B4GALT4: variants seen among roughly 807,000 people sequenced by gnomAD.
The protein encoded by B4GALT4 is beta-1,4-galactosyltransferase 4.
Under a neutral mutation model 37.3 loss-of-function variants are expected in B4GALT4, and 27 were observed. The observed-to-expected ratio is 0.72, with a 90% CI of 0.53 to 1.00. B4GALT4 has a LOEUF of 1.00. Among genes scored for constraint, B4GALT4 ranks in the 50% least tolerant of loss-of-function variants. The pLI, the probability that B4GALT4 is intolerant of heterozygous loss-of-function variation, is 0.00. For missense variants in B4GALT4, 372 were observed against 413.1 expected (o/e 0.90, Z 0.86); for synonymous variants, 148 against 154.1 (o/e 0.96, Z 0.29).
chr3:119,231,868 T>C (rs1021316229), intron 2 of B4GALT4, among the ~76,000 whole-genome samples: 1 of 148,042 alleles, frequency 6.8e-6, no homozygotes, highest in Non-Finnish European at 1.5e-5. Flanking sequence ...TTTATATAAA[T>C]GTATATATTT....
At chr3:119,218,532 C>A (rs2078356160) in intron 6 of B4GALT4, 118 bp downstream of exon 6, 2 of 1,453,650 alleles carry the variant, frequency 1.4e-6, no homozygotes, top group African/African-American at 2.8e-5. Context: ...CCTTCAAGCC[C>A]AAATCTGCAG....
intron 1 of B4GALT4, among the ~76,000 whole-genome samples, chr3:119,237,970 T>C (rs912293135): frequency 5.3e-5 from 8 of 152,010 alleles, no homozygotes; most frequent in African/African-American, 1.7e-4. Context: ...GATATAACAA[T>C]GTATATGAAA....
intron 6 of B4GALT4, among the ~76,000 whole-genome samples, chr3:119,218,404 G>A (rs1308958815): frequency 1.3e-5 from 2 of 152,070 alleles, no homozygotes; most frequent in Non-Finnish European, 2.9e-5. Flanking sequence ...AGTCTTTCCC[G>A]ACAAGTACAT....
chr3:119,212,651 G>C lies in B4GALT4; in HGVS notation c.933C>G (p.Val311=). 2.5e-6 allele frequency: 4 copies of C among 1,611,132 alleles called. No homozygotes were observed. The highest frequency in any genetic ancestry group is 3.4e-6 in the Non-Finnish European group (4 of 1,179,106). The change falls in exon 8 of 8, where the codon GTC becomes GTG. Residue 311 remains valine, a synonymous_variant. Coordinates refer to ENST00000393765, the MANE Select transcript of B4GALT4 (RefSeq NM_003778.4). The part of the protein sequence containing the change: ...RMKLLHQVSR[V]WRTDGLSSCS... The stretch of plus-strand genomic sequence containing the variant: ...AACTACTCAACCCATCTGTTCTCCA[G>C]ACTCGTGACACTTGGTGTAAGAGCT...
intron 2 of B4GALT4, among the ~76,000 whole-genome samples, chr3:119,234,101 A>T (rs544711234): frequency 3.2e-4 from 49 of 151,950 alleles, no homozygotes; most frequent in Middle Eastern, 3.4e-3. Flanking sequence ...TATCTGGTAC[A>T]TTTCCAGGAC....
rs778148279 is a variant in B4GALT4, at chr3:119,229,924, T to G, written c.176A>C (p.Lys59Thr). 1 of 1,614,198 alleles carries G rather than the reference T, an allele frequency of 6.2e-7. No homozygotes were observed. Among genetic ancestry groups the G allele is most frequent in the Non-Finnish European group, 8.5e-7 (1 of 1,180,026 alleles). ...ANFHKTLILG[K>T]GKTLTNEAST... ...TGCTTCATTAGTCAGAGTTTTTCCC[T>G]TCCCCAAAATGAGGGTCTTATGGAA... The change falls in exon 3 of 8, where the codon AAG becomes ACG. Residue 59 changes from lysine to threonine, a missense_variant. By Grantham distance (78) the Lys-to-Thr change is moderately conservative (BLOSUM62 -1). Transcript: ENST00000393765.
rs746921838 is a variant in B4GALT4 at position 119,218,772 on chromosome 3, C to A, written c.675G>T (p.Arg225Ser). The change falls in exon 6 of 8, where the codon AGG (arginine) becomes AGT (serine). Residue 225 changes from arginine (R) to serine (S), a missense_variant and splice_region_variant. Coordinates refer to ENST00000393765, the MANE Select transcript of B4GALT4 (RefSeq NM_003778.4). The stretch of plus-strand genomic sequence containing the variant: ...CCCCAAAATATCCACTGTAACGTAA[C>A]CTGGAGCAAAAGAGATGAGAGAAAT... ...LVVGRNSTGY[R>S]LRYSGYFGGV... is the part of the protein sequence containing the mutation. The A allele has an allele frequency of 6.2e-7, 1 of 1,613,982 alleles. No homozygotes were observed. The highest frequency in any genetic ancestry group is 2.2e-5 in the East Asian group (1 of 44,870).
chr3:119,211,941 G>T lies in B4GALT4; in HGVS notation c.*608C>A. The T allele has an allele frequency of 1.8e-6, 1 of 552,096 alleles. No individual in the cohort carries two copies. 34.2% of individuals were successfully genotyped at this position (552,096 alleles called of 1,614,324 possible). A position where few individuals can be genotyped will look rare whatever the true frequency, so the allele number is the denominator to read the frequency against. ...GCAGGTCCTCCCCTGAAGGCTATCA[G>T]CAGCTGCAACCAGCTCAGCTACTGC... On this transcript the variant is annotated 3_prime_UTR_variant, in exon 8 of 8. Transcript: ENST00000393765.
Position 119,212,470 on chromosome 3 carries a change from GCTA to G in B4GALT4, c.*76_*78del, listed in dbSNP as rs2078184413. 2.9e-6 allele frequency: 4 copies of G among 1,394,366 alleles called. No homozygotes were observed. The highest frequency in any genetic ancestry group is 3.9e-6 in the Non-Finnish European group (4 of 1,023,898). The allele number at this position is 1,394,366 out of a possible 1,614,324, so 86.4% of individuals were successfully genotyped here. The stretch of plus-strand genomic sequence containing the variant: ...GAGCTGTAACAGGTTCTTAATGTGT[GCTA>G]CTATTTGAAGTCTCTAGGCCAAAAT... On this transcript the variant is annotated 3_prime_UTR_variant, in exon 8 of 8. Coordinates refer to ENST00000393765, the MANE Select transcript of B4GALT4 (RefSeq NM_003778.4).
Position 119,212,102 on chromosome 3 carries a change from A to G in B4GALT4, c.*447T>C. On this transcript the variant is annotated 3_prime_UTR_variant, in exon 8 of 8. Coordinates refer to ENST00000393765, the MANE Select transcript of B4GALT4 (RefSeq NM_003778.4). Reference sequence around the variant, plus strand: ...ACCACCACTTCACAGATGATTGTACAGGATAAATGAATAACAGTATTGTAT... The same window carrying G: ...ACCACCACTTCACAGATGATTGTACGGGATAAATGAATAACAGTATTGTAT... 1 of 702,304 alleles carries G rather than the reference A, an allele frequency of 1.4e-6. No individual in the cohort carries two copies. Among genetic ancestry groups the G allele is most frequent in the Non-Finnish European group, 2.6e-6 (1 of 384,662 alleles). 43.5% of individuals were successfully genotyped at this position (702,304 alleles called of 1,614,324 possible). A position where few individuals can be genotyped will look rare whatever the true frequency, so the allele number is the denominator to read the frequency against.
intron 7 of B4GALT4, chr3:119,212,924 C>A (rs1473693953): frequency 4.6e-6 from 2 of 430,312 alleles, no homozygotes; most frequent in Non-Finnish European, 8.3e-6. Flanking sequence ...ACTCAGTGAG[C>A]CCCCAGTCTA....
chr3:119,215,737 TAAAG>T (rs927240645), intron 7 of B4GALT4: 2 of 152,110 alleles, frequency 1.3e-5, no homozygotes, highest in Non-Finnish European at 2.9e-5. Flanking sequence ...AAGGAACACA[TAAAG>T]AAAGGGAGAG....
At chr3:119,226,663 C>A (rs2078627921) in intron 4 of B4GALT4, 146 bp downstream of exon 4, 2 of 706,190 alleles carry the variant, frequency 2.8e-6, no homozygotes, top group African/African-American at 1.8e-5. Flanking sequence ...TTCCTCTACT[C>A]CTTTCAAGGA....
At chr3:119,213,613 A>G (rs1057273579) in intron 7 of B4GALT4, 2 of 152,226 alleles carry the variant, frequency 1.3e-5, no homozygotes, top group Non-Finnish European at 2.9e-5. Flanking sequence ...ACAAAAATTC[A>G]GAGAAGTGTT....
rs1011771434 is a variant in B4GALT4 at position 119,218,910 on chromosome 3, C to A, written c.675-138G>T. On this transcript the variant is annotated intron_variant, in intron 5 of 7. Transcript: ENST00000393765. The stretch of plus-strand genomic sequence containing the variant: ...CCTGCTTCTCCTGCTTGACACCCAC[C>A]TCCCAATGCTCCTGGCCTTCCCTGT... 1.6e-5 allele frequency: 15 copies of A among 964,378 alleles called. No individual in the cohort carries two copies. The African/African-American group carries it at 2.1e-4, about 14-fold the overall frequency. 59.7% of individuals were successfully genotyped at this position (964,378 alleles called of 1,614,324 possible). A position where few individuals can be genotyped will look rare whatever the true frequency, so the allele number is the denominator to read the frequency against.
At chr3:119,238,597 A>T (rs1227455142) in intron 1 of B4GALT4, among the ~76,000 whole-genome samples, 1 of 152,194 alleles carries the variant, frequency 6.6e-6, no homozygotes, top group Non-Finnish European at 1.5e-5. Context: ...TTATCACAGC[A>T]TATTGTAACT....
intron 7 of B4GALT4, chr3:119,215,262 A>C (rs1324413288): frequency 6.6e-6 from 1 of 152,226 alleles, no homozygotes; most frequent in Non-Finnish European, 1.5e-5. Flanking sequence ...AAGAAGGGAG[A>C]AGCCAACTTG....
At chr3:119,226,115 T>G (rs2078610291) in intron 4 of B4GALT4, among the ~76,000 whole-genome samples, 1 of 149,072 alleles carries the variant, frequency 6.7e-6, no homozygotes, top group South Asian at 2.1e-4. Context: ...GTGAAAAGTT[T>G]AGACACTGAT....
At chr3:119,240,288 G>A (rs1415865660) in intron 1 of B4GALT4, 1 of 152,126 alleles carries the variant, frequency 6.6e-6, no homozygotes, top group Non-Finnish European at 1.5e-5. Context: ...ATGGAAGACA[G>A]AACATCAAGG....
Sources: allele counts gnomAD v4.1 joint callset (sites outside exome capture counted in the v4.1 genomes callset), GRCh38; gene constraint gnomAD v4.1.1; transcripts MANE v1.5; gene names NCBI Gene and HGNC (gene_info 2026-07-23, HGNC 2026-07-21).